The following LRP2 variants were observed in gnomAD, a reference collection of about 807,000 sequenced individuals.
LRP2 encodes LDL receptor related protein 2, also known as low-density lipoprotein receptor-related protein 2.
In LRP2, 172 loss-of-function variants were observed where a neutral mutation model predicts 531.0. The ratio of observed to expected loss-of-function variants is 0.32; its 90% CI spans 0.29 to 0.37. The LOEUF is 0.37. Among genes scored for constraint, LRP2 ranks in the 10% least tolerant of loss-of-function variants. LRP2 has a pLI of 1.00. For missense variants in LRP2, 5,167 were observed against 5,868.3 expected (o/e 0.88, Z 3.90); for synonymous variants, 1,992 against 2,027.6 (o/e 0.98, Z 0.47).
rs745630979 is a variant in LRP2, at chr2:169,188,088, G to C, written c.9210C>G (p.Thr3070=). The change falls in exon 49 of 79, where the codon ACC becomes ACG. Residue 3070 remains threonine, a synonymous_variant. Coordinates refer to ENST00000649046, the MANE Select transcript of LRP2 (RefSeq NM_004525.3). ...CGTGAGGTGGACACGTGGGTTCTGG[G>C]GTGTGGCACAGGTGCATCAGCTCAT... ...GSDELMHLCH[T]PEPTCPPHEF... The C allele has an allele frequency of 1.2e-6, 2 of 1,614,032 alleles. No homozygotes were observed. Among genetic ancestry groups the C allele is most frequent in the Non-Finnish European group, 1.7e-6 (2 of 1,179,998 alleles).
At chr2:169,159,345 AGG>A (rs1686487470) in intron 63 of LRP2, among the ~76,000 whole-genome samples, 4 of 152,302 alleles carry the variant, frequency 2.6e-5, no homozygotes, top group Admixed American at 2.6e-4. Context: ...AGAGTCCTTT[AGG>A]GTAAATGATC....
intron 17 of LRP2, among the ~76,000 whole-genome samples, chr2:169,258,742 T>G (rs1421217760): frequency 6.6e-6 from 1 of 152,116 alleles, no homozygotes; most frequent in Non-Finnish European, 1.5e-5. Context: ...ACTGAATCTA[T>G]ATCACATTGT....
chr2:169,229,894 G>T (rs1212553618), intron 31 of LRP2, among the ~76,000 whole-genome samples: 1 of 152,066 alleles, frequency 6.6e-6, no homozygotes, highest in Non-Finnish European at 1.5e-5. Flanking sequence ...ATCAAATCAA[G>T]TAAAATGTTT....
chr2:169,154,513 T>G lies in LRP2; in HGVS notation c.12242A>C (p.Glu4081Ala). The G allele has an allele frequency of 6.2e-7, 1 of 1,612,840 alleles. No homozygotes were observed. The highest frequency in any genetic ancestry group is 8.5e-7 in the Non-Finnish European group (1 of 1,178,912). Reference protein sequence around the residue: ...SERFSEYLQDEEYIQAVDYDW... With the variant: ...SERFSEYLQDAEYIQAVDYDW... Reference sequence around the variant, plus strand: ...ATAATCAACAGCTTGGATATATTCCTCATCTTGAAGATACTCTGAGAACCT... The same window carrying G: ...ATAATCAACAGCTTGGATATATTCCGCATCTTGAAGATACTCTGAGAACCT... The change falls in exon 66 of 79, where the codon GAG becomes GCG. Residue 4081 changes from glutamate (E) to alanine (A), a missense_variant. This residue lies in a region of LRP2 where 564 missense variants were observed against 747.7 expected (regional missense o/e 0.75). Transcript: ENST00000649046.
chr2:169,220,397 C>G, intron 34 of LRP2, 57 bp downstream of exon 34: 1 of 1,284,880 alleles, frequency 7.8e-7, no homozygotes, highest in Non-Finnish European at 1.1e-6. Flanking sequence ...TTGTCAGACC[C>G]TGACATTAAC....
At chr2:169,199,702 C>T (rs73033899) in intron 44 of LRP2, among the ~76,000 whole-genome samples, 11,904 of 152,050 alleles carry the variant, frequency 0.078, 1,516 homozygotes, top group African/African-American at 0.27. Context: ...TAAAGTCATA[C>T]CTTTGACTGC....
rs1465219096 is a variant in LRP2 at position 169,362,317 on chromosome 2, T to C, written c.79+4A>G. The C allele has an allele frequency of 6.4e-7, 1 of 1,558,118 alleles. No homozygotes were observed. Among genetic ancestry groups the C allele is most frequent in the Non-Finnish European group, 8.7e-7 (1 of 1,151,682 alleles). On this transcript the variant is annotated splice_donor_region_variant and intron_variant, in intron 1 of 78. Transcript: ENST00000649046. The stretch of plus-strand genomic sequence containing the variant: ...TCCACGAGAGGCTCTGGCTGGGCTC[T>C]TACCTTGGCCACTGGCCGGCGCTAG...
intron 46 of LRP2, among the ~76,000 whole-genome samples, chr2:169,196,246 C>T (rs1277816612): frequency 2.0e-5 from 3 of 152,236 alleles, no homozygotes; most frequent in Non-Finnish European, 4.4e-5. Context: ...CAACTGGCCA[C>T]AGCCATAGTT....
At chr2:169,289,644 A>C (rs183914835) in intron 8 of LRP2, among the ~76,000 whole-genome samples, 106 of 152,314 alleles carry the variant, frequency 7.0e-4, no homozygotes, top group Non-Finnish European at 1.0e-3. Context: ...TTTATGAAAA[A>C]AAAATCAGGT....
Position 169,292,239 on chromosome 2 carries a change from C to T in LRP2, c.769+14G>A, listed in dbSNP as rs201362380. The T allele has an allele frequency of 1.9e-6, 3 of 1,542,812 alleles. No individual in the cohort carries two copies. The African/African-American group carries it at 4.1e-5, about 21-fold the overall frequency. ...AGAAAATGCTTTTCAGTAGGAATCT[C>T]TTCCCCTCCTTACCACATCCATCTT... On this transcript the variant is annotated intron_variant, in intron 7 of 78. Transcript: ENST00000649046.
chr2:169,284,682 G>C (rs928722223), intron 9 of LRP2, among the ~76,000 whole-genome samples: 1 of 152,062 alleles, frequency 6.6e-6, no homozygotes, highest in African/African-American at 2.4e-5. Context: ...AACCCAATCC[G>C]ATCTGGACAC....
At chr2:169,205,036 CTT>C (rs59405840) in intron 41 of LRP2, among the ~76,000 whole-genome samples, 18,529 of 141,128 alleles carry the variant, frequency 0.13, 2,099 homozygotes, top group African/African-American at 0.32. Flanking sequence ...AAAGAATTTT[CTT>C]TTTTTTTTTT....
At chr2:169,184,054 T>C (rs892213752) in intron 50 of LRP2, among the ~76,000 whole-genome samples, 1 of 152,132 alleles carries the variant, frequency 6.6e-6, no homozygotes, top group African/African-American at 2.4e-5. Flanking sequence ...AATTCTCTTC[T>C]GATAAAGAAC....
rs769013534 is a variant in LRP2 at position 169,162,493 on chromosome 2, A to G, written c.11866T>C (p.Trp3956Arg). 3.7e-5 allele frequency: 59 copies of G among 1,614,108 alleles called. No homozygotes were observed. The highest frequency in any genetic ancestry group is 4.8e-5 in the Non-Finnish European group (57 of 1,180,034). ...VCDDADDCGD[W>R]SDELGCNKGK... ...TTACTGCAACCCAGTTCATCGGACC[A>G]GTCACCACAGTCATCGGCATCATCA... is the stretch of plus-strand genomic sequence containing the variant. Residue 3956 changes from tryptophan (W) to arginine (R), a missense_variant, in exon 63 of 79, where the codon TGG becomes CGG. Physicochemically the swap from Trp to Arg is moderately radical, Grantham distance 101 (BLOSUM62 -3). Coordinates refer to ENST00000649046, the MANE Select transcript of LRP2 (RefSeq NM_004525.3).
rs769284313 is a variant in LRP2, at chr2:169,201,855, G to A, written c.8225C>T (p.Ser2742Leu). 5.6e-6 allele frequency: 9 copies of A among 1,614,000 alleles called. No homozygotes were observed. The highest frequency in any genetic ancestry group is 7.6e-6 in the Non-Finnish European group (9 of 1,180,016). The change falls in exon 44 of 79, where the codon TCA (serine) becomes TTA (leucine). Residue 2742 changes from serine (S) to leucine (L), a missense_variant. By Grantham distance (145) the Ser-to-Leu change is moderately radical. Coordinates refer to ENST00000649046, the MANE Select transcript of LRP2 (RefSeq NM_004525.3). Reference sequence around the variant, plus strand: ...ATTGGCACAGGTGAAGGCTGTCGGTGAGCAGGTGTGAAGTGCTAAGAACAG... The same window carrying A: ...ATTGGCACAGGTGAAGGCTGTCGGTAAGCAGGTGTGAAGTGCTAAGAACAG... ...MESVCALHTC[S>L]PTAFTCANGR...
At chr2:169,359,630 G>A (rs750936554) in intron 1 of LRP2, among the ~76,000 whole-genome samples, 19 of 152,240 alleles carry the variant, frequency 1.2e-4, no homozygotes, top group South Asian at 1.2e-3. Flanking sequence ...GAGGAAATGC[G>A]TCTTAAAATG....
At chr2:169,263,981 C>T (rs1282254221) in intron 16 of LRP2, among the ~76,000 whole-genome samples, 2 of 152,012 alleles carry the variant, frequency 1.3e-5, no homozygotes, top group Admixed American at 6.6e-5. Context: ...TCATTCTCAG[C>T]AAACTATCAC....
chr2:169,188,447 T>C (rs1283644473), intron 48 of LRP2, among the ~76,000 whole-genome samples, 182 bp from the exon 49 acceptor site: 2 of 152,090 alleles, frequency 1.3e-5, no homozygotes, highest in African/African-American at 4.8e-5. Flanking sequence ...AATCGCCAAT[T>C]CTAGAAGAAT....
intron 44 of LRP2, among the ~76,000 whole-genome samples, chr2:169,199,178 A>G (rs1688103675): frequency 6.6e-6 from 1 of 152,222 alleles, no homozygotes; most frequent in East Asian, 1.9e-4. Context: ...AATAGCATCA[A>G]CAAGAGTTCC....
Sources: allele counts gnomAD v4.1 joint callset (sites outside exome capture counted in the v4.1 genomes callset), GRCh38; gene constraint gnomAD v4.1.1; regional missense constraint gnomAD v4.1.1; transcripts MANE v1.5; gene names NCBI Gene and HGNC (gene_info 2026-07-23, HGNC 2026-07-21).